The following KRT6C variants were observed in gnomAD, a reference collection of about 807,000 sequenced individuals.
The protein encoded by KRT6C is keratin, type II cytoskeletal 6C.
KRT6C carries 46 observed loss-of-function variants against 49.4 expected under a neutral mutation model. The ratio of observed to expected loss-of-function variants is 0.93; its 90% CI spans 0.74 to 1.19. The LOEUF is 1.19. Among genes scored for constraint, KRT6C ranks in the 50% most tolerant of loss-of-function variants. The pLI, the probability that KRT6C is intolerant of heterozygous loss-of-function variation, is 0.00. For synonymous variants in KRT6C, 236 were observed against 297.1 expected (o/e 0.79, Z 2.12); for missense variants, 552 against 737.5 (o/e 0.75, Z 2.91).
intron 6 of KRT6C, chr12:52,470,113 A>T: frequency 1.5e-6 from 1 of 645,760 alleles, no homozygotes; most frequent in Non-Finnish European, 2.7e-6. Context: ...TGTGCGTTGC[A>T]TCTTATGGGA....
chr12:52,469,697 C>A lies in KRT6C; in HGVS notation c.1397G>T (p.Arg466Leu). The change falls in exon 7 of 9, where the codon CGC becomes CTC. Residue 466 changes from arginine (R) to leucine (L), a missense_variant. Transcript: ENST00000252250. ...GCACTCCTCGCCCTCCAGCAGCTTG[C>A]GGTAGGTGGCGATCTCCACATCCAG... ...LALDVEIATY[R>L]KLLEGEECRL... is the part of the protein sequence containing the mutation. 1 of 1,614,132 alleles carries A rather than the reference C, an allele frequency of 6.2e-7. No individual in the cohort carries two copies. The highest frequency in any genetic ancestry group is 8.5e-7 in the Non-Finnish European group (1 of 1,180,006).
chr12:52,471,273 G>A lies in KRT6C; in HGVS notation c.936C>T (p.His312=). 1 of 1,614,220 alleles carries A rather than the reference G, an allele frequency of 6.2e-7. No individual in the cohort carries two copies. Among genetic ancestry groups the A allele is most frequent in the Non-Finnish European group, 8.5e-7 (1 of 1,180,046 alleles). The change falls in exon 5 of 9, where the codon CAC becomes CAT. Residue 312 remains histidine, a synonymous_variant. Coordinates refer to ENST00000252250, the MANE Select transcript of KRT6C (RefSeq NM_173086.5). ...YDAELSQMQT[H]ISDTSVVLSM... is the part of the protein sequence containing the mutation. Reference sequence around the variant, plus strand: ...ATAGCACCACGGATGTGTCTGAGATGTGGGTCTGCATCTGGGACAGCTCCT... The same window carrying A: ...ATAGCACCACGGATGTGTCTGAGATATGGGTCTGCATCTGGGACAGCTCCT...
chr12:52,471,452 T>G lies in KRT6C; in HGVS notation c.881A>C (p.Glu294Ala). The G allele has an allele frequency of 6.2e-7, 1 of 1,613,948 alleles. No homozygotes were observed. The highest frequency in any genetic ancestry group is 8.5e-7 in the Non-Finnish European group (1 of 1,179,886). The change falls in exon 4 of 9, where the codon GAG (glutamate) becomes GCG (alanine). Residue 294 changes from glutamate to alanine, a missense_variant. By Grantham distance (107) the Glu-to-Ala change is moderately radical (BLOSUM62 -1). Around this residue, in one of 3 missense-constraint regions of KRT6C, gnomAD observed 425 missense variants for 439.4 expected, o/e 0.97. Coordinates refer to ENST00000252250, the MANE Select transcript of KRT6C (RefSeq NM_173086.5). ...ATACAAGGCTCTCAGGAAGTTGATC[T>G]CATCTGTGAGAGTGTCTGCCTTGGC... is the stretch of plus-strand genomic sequence containing the variant. ...LQAKADTLTD[E>A]INFLRALYDA...
In KRT6C at chr12:52,469,725, C is replaced by T. The variant is rs1206867492; in HGVS notation, c.1369G>A (p.Ala457Thr). 1.9e-6 allele frequency: 3 copies of T among 1,614,150 alleles called. No individual in the cohort carries two copies. Among genetic ancestry groups the T allele is most frequent in the Non-Finnish European group, 2.5e-6 (3 of 1,180,012 alleles). Residue 457 changes from alanine (A) to threonine (T), a missense_variant, in exon 7 of 9, where the codon GCC (alanine) becomes ACC (threonine). Ala to Thr is a moderately conservative substitution (Grantham distance 58, BLOSUM62 0). This residue lies in a region of KRT6C where 425 missense variants were observed against 439.4 expected (regional missense o/e 0.97). Coordinates refer to ENST00000252250, the MANE Select transcript of KRT6C (RefSeq NM_173086.5). ...EYQELMNVKL[A>T]LDVEIATYRK... ...TAGGTGGCGATCTCCACATCCAGGG[C>T]CAGCTTGACATTCATCAGCTCCTGG...
In KRT6C at chr12:52,469,216, C is replaced by T; in HGVS notation, c.1541G>A (p.Ser514Asn). 1 of 1,614,050 alleles carries T rather than the reference C, an allele frequency of 6.2e-7. No homozygotes were observed. The highest frequency in any genetic ancestry group is 8.5e-7 in the Non-Finnish European group (1 of 1,179,892). The change falls in exon 9 of 9, where the codon AGC (serine) becomes AAC (asparagine). Residue 514 changes from serine to asparagine, a missense_variant. By Grantham distance (46) the Ser-to-Asn change is conservative (BLOSUM62 1). Coordinates refer to ENST00000252250, the MANE Select transcript of KRT6C (RefSeq NM_173086.5). Reference sequence around the variant, plus strand: ...GCCAAGACCACTGCCATAGGAGTAGCTGCTTCCTCCACCCAGGCCTAAGCC... The same window carrying T: ...GCCAAGACCACTGCCATAGGAGTAGTTGCTTCCTCCACCCAGGCCTAAGCC... ...GSGLGLGGGSSYSYGSGLGIG... is the reference protein window; with the variant it reads ...GSGLGLGGGSNYSYGSGLGIG...
intron 6 of KRT6C, 95 bp from the exon 7 acceptor site, chr12:52,469,985 G>A: frequency 3.0e-6 from 4 of 1,341,204 alleles, no homozygotes; most frequent in Non-Finnish European, 4.2e-6. Flanking sequence ...ACCCAAAATT[G>A]ACAGAGAATG....
intron 7 of KRT6C, 58 bp from the exon 8 acceptor site, chr12:52,469,503 A>C: frequency 1.2e-6 from 2 of 1,613,842 alleles, no homozygotes; most frequent in Non-Finnish European, 1.7e-6. Flanking sequence ...TCCCTGGACC[A>C]GTGTGGGCAG....
At chr12:52,470,006 C>T (rs1937846008) in intron 6 of KRT6C, 116 bp from the exon 7 acceptor site, 2 of 1,159,744 alleles carry the variant, frequency 1.7e-6, no homozygotes, top group Non-Finnish European at 2.5e-6. Context: ...AGCTTTGACT[C>T]TTCCTGTCCA....
At chr12:52,470,325 G>T in intron 6 of KRT6C, 180 bp downstream of exon 6, 2 of 1,111,178 alleles carry the variant, frequency 1.8e-6, no homozygotes, top group Non-Finnish European at 2.6e-6. Flanking sequence ...TGCCTCAGAG[G>T]CTCATCCTCT....
rs199878454 is a variant in KRT6C at position 52,470,478 on chromosome 12, T to C, written c.1203+27A>G. The C allele has an allele frequency of 3.4e-4, 549 of 1,614,048 alleles. 1 individual carries two copies. The highest frequency in any genetic ancestry group is 4.4e-4 in the Non-Finnish European group (522 of 1,180,040). The stretch of plus-strand genomic sequence containing the variant: ...GATGGGTCTAGCAAAAAATGATGCT[T>C]CTTTCCTCCACTGCACCTCACTGTA... On this transcript the variant is annotated intron_variant, in intron 6 of 8. Coordinates refer to ENST00000252250, the MANE Select transcript of KRT6C (RefSeq NM_173086.5).
In KRT6C at chr12:52,469,778, T is replaced by G. The variant is rs748713877; in HGVS notation, c.1316A>C (p.Gln439Pro). ...GLEDALQKAKQDLARLLKEYQ... is the reference protein window; with the variant it reads ...GLEDALQKAKPDLARLLKEYQ... The stretch of plus-strand genomic sequence containing the variant: ...CTCCTTCAGCAGCCGGGCCAGGTCC[T>G]GCTTGGCCTTCTGCAGGGCATCCTC... Residue 439 changes from glutamine (Q) to proline (P), a missense_variant, in exon 7 of 9, where the codon CAG (glutamine) becomes CCG (proline). Gln to Pro is a moderately conservative substitution (Grantham distance 76, BLOSUM62 -1). Around this residue, in one of 3 missense-constraint regions of KRT6C, gnomAD observed 425 missense variants for 439.4 expected, o/e 0.97. Coordinates refer to ENST00000252250, the MANE Select transcript of KRT6C (RefSeq NM_173086.5). The G allele has an allele frequency of 6.8e-6, 11 of 1,614,148 alleles. No homozygotes were observed. The South Asian group carries it at 1.1e-4, about 16-fold the overall frequency.
At chr12:52,469,640 C>T in intron 7 of KRT6C, 30 bp downstream of exon 7, 1 of 1,614,192 alleles carries the variant, frequency 6.2e-7, no homozygotes, top group African/African-American at 1.3e-5. Context: ...ATGGACTCAG[C>T]TGTTGGAGGA....
chr12:52,470,686 A>G, intron 5 of KRT6C, 56 bp from the exon 6 acceptor site: 2 of 1,613,292 alleles, frequency 1.2e-6, no homozygotes, highest in Non-Finnish European at 1.7e-6. Flanking sequence ...CCTGGGAGCG[A>G]TGACTTTCAC....
Position 52,469,235 on chromosome 12 carries a change from C to G in KRT6C, c.1522G>C (p.Gly508Arg). The G allele has an allele frequency of 6.2e-7, 1 of 1,613,970 alleles. No homozygotes were observed. The highest frequency in any genetic ancestry group is 8.5e-7 in the Non-Finnish European group (1 of 1,179,860). The change falls in exon 9 of 9, where the codon GGC becomes CGC. Residue 508 changes from glycine (G) to arginine (R), a missense_variant. Around this residue, in one of 3 missense-constraint regions of KRT6C, gnomAD observed 425 missense variants for 439.4 expected, o/e 0.97. Coordinates refer to ENST00000252250, the MANE Select transcript of KRT6C (RefSeq NM_173086.5). ...GAGTAGCTGCTTCCTCCACCCAGGC[C>G]TAAGCCACTGCCGACACCGCTGGCA... The part of the protein sequence containing the change: ...GGASGVGSGL[G>R]LGGGSSYSYG...
chr12:52,471,605 G>T lies in KRT6C; in HGVS notation c.816+67C>A, dbSNP rs664605. On this transcript the variant is annotated intron_variant, in intron 3 of 8. Coordinates refer to ENST00000252250, the MANE Select transcript of KRT6C (RefSeq NM_173086.5). ...GTCCTCCTGCCAATTCTCTCCCAGG[G>T]GAGCGAGGACACAGAGCCACTTCTC... 10 of 1,407,146 alleles carry T rather than the reference G, an allele frequency of 7.1e-6. No individual in the cohort carries two copies. The East Asian group carries it at 2.1e-4, about 30-fold the overall frequency. The allele number at this position is 1,407,146 out of a possible 1,614,324, so 87.2% of individuals were successfully genotyped here. A position where few individuals can be genotyped will look rare whatever the true frequency, so the allele number is the denominator to read the frequency against.
Position 52,471,241 on chromosome 12 carries a change from T to C in KRT6C, c.968A>G (p.Asp323Gly). Residue 323 changes from aspartate to glycine, a missense_variant, in exon 5 of 9, where the codon GAC (aspartate) becomes GGC (glycine). This residue lies in a region of KRT6C where 425 missense variants were observed against 439.4 expected (regional missense o/e 0.97). Coordinates refer to ENST00000252250, the MANE Select transcript of KRT6C (RefSeq NM_173086.5). ...GTCCAGGTCCAGGTTGCGGTTGTTGTCCATGGATAGCACCACGGATGTGTC... is the reference window on the plus strand; with the variant it reads ...GTCCAGGTCCAGGTTGCGGTTGTTGCCCATGGATAGCACCACGGATGTGTC... The part of the protein sequence containing the change: ...ISDTSVVLSM[D>G]NNRNLDLDSI... The C allele has an allele frequency of 6.2e-7, 1 of 1,614,178 alleles. No individual in the cohort carries two copies. The highest frequency in any genetic ancestry group is 8.5e-7 in the Non-Finnish European group (1 of 1,180,030).
Position 52,473,228 on chromosome 12 carries a change from G to A in KRT6C, c.510C>T (p.Leu170=). Residue 170 remains leucine, a synonymous_variant, in exon 1 of 9, where the codon CTC becomes CTT. Transcript: ENST00000252250. Reference sequence around the variant, plus strand: ...CGATGAAGGAGGCAAACTTGTTGTTGAGGGTCTTGATCTGCTCACGCTCCT... The same window carrying A: ...CGATGAAGGAGGCAAACTTGTTGTTAAGGGTCTTGATCTGCTCACGCTCCT... ...RAEEREQIKT[L]NNKFASFIDK... The A allele has an allele frequency of 6.3e-7, 1 of 1,577,148 alleles. No homozygotes were observed. The highest frequency in any genetic ancestry group is 1.1e-5 in the South Asian group (1 of 90,120).
intron 1 of KRT6C, 130 bp from the exon 2 acceptor site, chr12:52,472,410 G>A: frequency 3.4e-6 from 3 of 885,962 alleles, no homozygotes; most frequent in Non-Finnish European, 3.5e-6. Flanking sequence ...GAGAGGCTCA[G>A]GCTGAGCTCT....
rs1368008168 is a variant in KRT6C at position 52,471,126 on chromosome 12, G to A, written c.1077+6C>T. On this transcript the variant is annotated splice_donor_region_variant and intron_variant, in intron 5 of 8. Transcript: ENST00000252250. ...ATTCCTCAGCAGCTGCCCACTCCCT[G>A]CTCACCTTGGTCTGGTACCAGGACT... 9 of 1,614,044 alleles carry A rather than the reference G, an allele frequency of 5.6e-6. No individual in the cohort carries two copies. The African/African-American group carries it at 6.7e-5, about 12-fold the overall frequency.
Sources: gnomAD v4.1 joint callset for allele counts on GRCh38, gnomAD v4.1.1 for gene constraint, gnomAD v4.1.1 regional missense constraint, MANE v1.5 for transcripts, NCBI Gene and HGNC (gene_info 2026-07-23, HGNC 2026-07-21) for gene names.